ANKFN1: variants seen among roughly 807,000 people sequenced by gnomAD.
ANKFN1 encodes the protein ankyrin repeat and fibronectin type III domain containing 1.
Under a neutral mutation model 108.7 loss-of-function variants are expected in ANKFN1, and 74 were observed. The observed-to-expected ratio is 0.68, with a 90% CI of 0.56 to 0.83. ANKFN1 has a LOEUF of 0.83. Among genes scored for constraint, ANKFN1 ranks in the 40% least tolerant of loss-of-function variants. The probability of loss-of-function intolerance (pLI) is 0.00; values close to 1 mark genes in which losing one functional copy is unlikely to be tolerated. For synonymous variants in ANKFN1, 547 were observed against 516.2 expected, an observed-to-expected ratio of 1.06 and a Z score of -0.81; for missense variants, 1,505 against 1,382.3, an observed-to-expected ratio of 1.09 and a Z score of -1.41.
chr17:56,141,666 G>A (rs973867194), intron 4 of ANKFN1, among the ~76,000 whole-genome samples: 2 of 152,036 alleles, frequency 1.3e-5, no homozygotes, highest in South Asian at 2.1e-4. Flanking sequence ...AACTCATCAG[G>A]GTGTGTGTGG....
At chr17:56,063,798 G>C (rs184552765) in intron 4 of ANKFN1, among the ~76,000 whole-genome samples, 57 of 152,166 alleles carry the variant, frequency 3.7e-4, no homozygotes, top group African/African-American at 1.3e-3. Context: ...TTGCTGGAGA[G>C]AGATCGTGAT....
At chr17:56,079,920 TA>T (rs1905225840) in intron 4 of ANKFN1, among the ~76,000 whole-genome samples, 2 of 152,204 alleles carry the variant, frequency 1.3e-5, no homozygotes, top group South Asian at 4.1e-4. Flanking sequence ...CAGGGTAATC[TA>T]TTTATAATAA....
At chr17:56,418,865 G>A (rs1004880834) in intron 8 of ANKFN1, among the ~76,000 whole-genome samples, 3 of 152,026 alleles carry the variant, frequency 2.0e-5, no homozygotes, top group Non-Finnish European at 4.4e-5. Context: ...AACTTCAGGG[G>A]TTAATGCACC....
At chr17:56,436,876 A>C (rs921249273) in intron 8 of ANKFN1, among the ~76,000 whole-genome samples, 1 of 151,930 alleles carries the variant, frequency 6.6e-6, no homozygotes, top group Non-Finnish European at 1.5e-5. Context: ...TCACTCTCAA[A>C]GTGACTCCTG....
intron 1 of ANKFN1, among the ~76,000 whole-genome samples, chr17:56,159,033 CAAAAAA>C (rs57878541): frequency 3.0e-4 from 21 of 71,016 alleles, no homozygotes; most frequent in African/African-American, 7.0e-4. Flanking sequence ...TGGTCTAGGC[CAAAAAA>C]AAAAAAAAAA....
chr17:56,302,222 G>A (rs1171499521), intron 3 of ANKFN1, among the ~76,000 whole-genome samples: 1 of 152,122 alleles, frequency 6.6e-6, no homozygotes, highest in African/African-American at 2.4e-5. Flanking sequence ...ACACAAGTCT[G>A]TTAACCTCCA....
chr17:56,152,881 A>T (rs528034190), upstream of ANKFN1, among the ~76,000 whole-genome samples: 96 of 152,316 alleles, frequency 6.3e-4, no homozygotes, highest in African/African-American at 2.2e-3. Flanking sequence ...TGCAGGCCAA[A>T]TAAAAACTTG....
intron 1 of ANKFN1, among the ~76,000 whole-genome samples, chr17:56,155,967 G>A (rs1909071738): frequency 6.6e-6 from 1 of 152,146 alleles, no homozygotes; most frequent in African/African-American, 2.4e-5. Context: ...AAACTTGGAT[G>A]TGGTTGGATA....
chr17:56,511,016 G>T lies in ANKFN1; in HGVS notation c.3188G>T (p.Gly1063Val), dbSNP rs1399282424. The T allele has an allele frequency of 6.5e-7, 1 of 1,535,856 alleles. No individual in the cohort carries two copies. Among genetic ancestry groups the T allele is most frequent in the Non-Finnish European group, 8.7e-7 (1 of 1,146,898 alleles). ...GGCCCTGCCCTTGATGATCCCAGGG[G>T]CCTAACTCTGGCCCACGCTGCCAGC... ...RAGPALDDPRGLTLAHAASLP... is the reference protein window; with the variant it reads ...RAGPALDDPRVLTLAHAASLP... Residue 1063 changes from glycine to valine, a missense_variant, in exon 21 of 21, where the codon GGC (glycine) becomes GTC (valine). By Grantham distance (109) the Gly-to-Val change is moderately radical (BLOSUM62 -3). Coordinates refer to ENST00000682825, the MANE Select transcript of ANKFN1 (RefSeq NM_001370326.1).
intron 4 of ANKFN1, among the ~76,000 whole-genome samples, chr17:56,136,024 C>T (rs1907581495): frequency 6.6e-6 from 1 of 152,032 alleles, no homozygotes; most frequent in Non-Finnish European, 1.5e-5. Flanking sequence ...GCTCTAAGAA[C>T]AATAAAAGAG....
intron 1 of ANKFN1, among the ~76,000 whole-genome samples, chr17:56,203,452 G>C (rs1234542940): frequency 6.6e-6 from 1 of 152,072 alleles, no homozygotes; most frequent in Non-Finnish European, 1.5e-5. Context: ...ATTCATTCCT[G>C]ATCTCTAGGA....
intron 4 of ANKFN1, among the ~76,000 whole-genome samples, chr17:56,333,717 G>C (rs1170901569): frequency 6.6e-6 from 1 of 152,030 alleles, no homozygotes; most frequent in South Asian, 2.1e-4. Flanking sequence ...TTTTGGAAGA[G>C]TTGTATGTCG....
At chr17:56,219,251 TTA>T (rs1915669310) in intron 2 of ANKFN1, among the ~76,000 whole-genome samples, 1 of 122,254 alleles carries the variant, frequency 8.2e-6, no homozygotes, top group South Asian at 2.3e-4. Context: ...TTTTGTTTGT[TTA>T]TTTTTTTTTT....
At chr17:56,117,895 A>G (rs1378882793) in intron 4 of ANKFN1, among the ~76,000 whole-genome samples, 2 of 152,126 alleles carry the variant, frequency 1.3e-5, no homozygotes, top group Non-Finnish European at 1.5e-5. Flanking sequence ...CATCTCTGCC[A>G]ATTCTCCAGG....
intron 8 of ANKFN1, among the ~76,000 whole-genome samples, chr17:56,421,479 G>T (rs1282222213): frequency 6.6e-6 from 1 of 152,158 alleles, no homozygotes; most frequent in Non-Finnish European, 1.5e-5. Flanking sequence ...CAAACCAATG[G>T]CACTAGGCTC....
chr17:56,153,376 G>A (rs1202468000), upstream of ANKFN1: 4 of 1,115,988 alleles, frequency 3.6e-6, no homozygotes, highest in African/African-American at 4.6e-5. Context: ...AGCCGTGGGA[G>A]AGGCAGCCAT....
At chr17:56,154,965 T>C (rs964517247) in intron 1 of ANKFN1, among the ~76,000 whole-genome samples, 2 of 152,186 alleles carry the variant, frequency 1.3e-5, no homozygotes, top group Non-Finnish European at 2.9e-5. Context: ...AGTTTCTTCA[T>C]CCATGAAGTG....
chr17:56,508,662 T>C (rs1337708374), intron 20 of ANKFN1, among the ~76,000 whole-genome samples: 1 of 152,150 alleles, frequency 6.6e-6, no homozygotes, highest in African/African-American at 2.4e-5. Flanking sequence ...ATAAATGAAA[T>C]GATGATAGAG....
intron 16 of ANKFN1, among the ~76,000 whole-genome samples, chr17:56,478,439 C>G (rs2050584223): frequency 6.6e-6 from 1 of 152,194 alleles, no homozygotes; most frequent in Admixed American, 6.5e-5. Flanking sequence ...TTCTCCCTAA[C>G]TCTAACCCTC....
Sources: gnomAD v4.1 joint callset for allele counts (sites outside exome capture counted in the v4.1 genomes callset) on GRCh38, gnomAD v4.1.1 for gene constraint, MANE v1.5 for transcripts, NCBI Gene and HGNC (gene_info 2026-07-23, HGNC 2026-07-21) for gene names.